Variants in FRMD4B observed in about 807,000 individuals in gnomAD.
The protein encoded by FRMD4B is FERM domain-containing protein 4B.
A neutral mutation model predicts 141.5 loss-of-function variants in FRMD4B; 74 were observed. The observed-to-expected ratio is 0.52, with a 90% confidence interval of 0.43 to 0.63. The LOEUF (loss-of-function observed/expected upper bound fraction) is 0.63. Ranked by LOEUF, FRMD4B falls within the 30% of genes least tolerant of loss-of-function variation. The probability of loss-of-function intolerance (pLI) is 0.00; values close to 1 mark genes in which losing one functional copy is unlikely to be tolerated. For synonymous variants in FRMD4B, 506 were observed against 467.9 expected (o/e 1.08, Z -1.05); for missense variants, 1,366 against 1,253.4 (o/e 1.09, Z -1.36).
At position 69,385,924 on chromosome 3, in the gene FRMD4B, G is replaced by T. The variant is rs751713557; in HGVS notation, c.66C>A (p.Asn22Lys). The change falls in exon 1 of 23, where the codon AAC becomes AAA. Residue 22 changes from asparagine to lysine, a missense_variant. By Grantham distance (94) the Asn-to-Lys change is moderately conservative. Coordinates refer to ENST00000398540, the MANE Select transcript of FRMD4B (RefSeq NM_015123.3). ...LLFSGSRFVW[N>K]LTVSTLRRWY... ...ATCTCCGCAGCGTGGACACGGTCAA[G>T]TTCCATACGAAGCGGCTGCCGCTGA... 9 of 1,605,152 alleles carry T rather than the reference G, an allele frequency of 5.6e-6. No individual in the cohort carries two copies. The highest frequency in any genetic ancestry group is 7.7e-6 in the Non-Finnish European group (9 of 1,176,384).
intron 1 of FRMD4B, among the ~76,000 whole-genome samples, chr3:69,319,382 C>T (rs1701920321): frequency 6.6e-6 from 1 of 152,142 alleles, no homozygotes; most frequent in Non-Finnish European, 1.5e-5. Context: ...GACAGCTACG[C>T]TTTTCTGTAA....
At chr3:69,422,209 T>C (rs1704992885) in intron 2 of FRMD4B, among the ~76,000 whole-genome samples, 1 of 151,880 alleles carries the variant, frequency 6.6e-6, no homozygotes, top group Non-Finnish European at 1.5e-5. Flanking sequence ...GGCTAACACA[T>C]GGTGAAACCC....
chr3:69,413,417 T>C (rs1488960052), intron 2 of FRMD4B, among the ~76,000 whole-genome samples: 3 of 152,196 alleles, frequency 2.0e-5, no homozygotes, highest in Non-Finnish European at 2.9e-5. Context: ...TCTATAAACC[T>C]TGAACTGTAT....
intron 1 of FRMD4B, among the ~76,000 whole-genome samples, chr3:69,490,483 G>A (rs541540117): frequency 6.6e-6 from 1 of 152,168 alleles, no homozygotes; most frequent in African/African-American, 2.4e-5. Flanking sequence ...GCAGGCGTTT[G>A]CAATGGTGCT....
At chr3:69,341,147 T>C (rs1191533977) in intron 1 of FRMD4B, among the ~76,000 whole-genome samples, 2 of 152,214 alleles carry the variant, frequency 1.3e-5, no homozygotes, top group South Asian at 2.1e-4. Flanking sequence ...TAAAGCAAGA[T>C]GAGTGAGGCT....
At chr3:69,514,877 T>C (rs1441574971) in intron 1 of FRMD4B, among the ~76,000 whole-genome samples, 1 of 152,104 alleles carries the variant, frequency 6.6e-6, no homozygotes, top group African/African-American at 2.4e-5. Context: ...AAAATTCCTA[T>C]GGATTCTCAA....
chr3:69,540,660 T>TAC (rs1161119924), intron 1 of FRMD4B, among the ~76,000 whole-genome samples: 625 of 56,828 alleles, frequency 0.011, 7 homozygotes, highest in Middle Eastern at 0.024. Context: ...TATATATATA[T>TAC]ACACACACAC....
intron 4 of FRMD4B, among the ~76,000 whole-genome samples, chr3:69,295,962 G>A (rs1701023795): frequency 6.6e-6 from 1 of 152,062 alleles, no homozygotes; most frequent in Non-Finnish European, 1.5e-5. Context: ...GACTACAGGT[G>A]TGCACCACCA....
chr3:69,447,557 T>C (rs1274981816), intron 1 of FRMD4B, among the ~76,000 whole-genome samples: 3 of 152,216 alleles, frequency 2.0e-5, no homozygotes, highest in Non-Finnish European at 2.9e-5. Flanking sequence ...TATTTCTCTT[T>C]TTTTGAATAA....
intron 2 of FRMD4B, among the ~76,000 whole-genome samples, chr3:69,428,959 C>A (rs114061126): frequency 6.6e-6 from 1 of 152,164 alleles, no homozygotes; most frequent in Non-Finnish European, 1.5e-5. Context: ...CATCCTTTTG[C>A]GACTGGCTTA....
chr3:69,539,021 G>A (rs554472033), intron 1 of FRMD4B, among the ~76,000 whole-genome samples: 37 of 152,216 alleles, frequency 2.4e-4, no homozygotes, highest in African/African-American at 7.0e-4. Context: ...CAGCACTCCC[G>A]AACATATAAA....
chr3:69,260,475 C>A, intron 5 of FRMD4B, among the ~76,000 whole-genome samples: 1 of 152,340 alleles, frequency 6.6e-6, no homozygotes, highest in East Asian at 1.9e-4. Context: ...ACCTGCGTCG[C>A]GCTCGAATTC....
chr3:69,383,353 A>G (rs1575780155), intron 1 of FRMD4B, among the ~76,000 whole-genome samples: 1 of 152,232 alleles, frequency 6.6e-6, no homozygotes. Context: ...CAAAGGCTGA[A>G]AATATTTTTG....
chr3:69,473,309 T>A (rs891740841), intron 1 of FRMD4B, among the ~76,000 whole-genome samples: 1 of 152,084 alleles, frequency 6.6e-6, no homozygotes, highest in Non-Finnish European at 1.5e-5. Flanking sequence ...GATGGCTCTG[T>A]CCACTCTACC....
chr3:69,522,414 C>A (rs1700867362), intron 1 of FRMD4B, among the ~76,000 whole-genome samples: 1 of 152,046 alleles, frequency 6.6e-6, no homozygotes, highest in African/African-American at 2.4e-5. Flanking sequence ...TTACTATGGG[C>A]AAGGCATAGA....
chr3:69,366,438 G>A (rs1263546046), intron 1 of FRMD4B, among the ~76,000 whole-genome samples: 1 of 128,356 alleles, frequency 7.8e-6, no homozygotes, highest in Non-Finnish European at 1.7e-5. Flanking sequence ...ATACATTTTA[G>A]AATAAATTAT....
intron 1 of FRMD4B, among the ~76,000 whole-genome samples, chr3:69,328,046 A>T (rs1212710406): frequency 6.6e-6 from 1 of 152,200 alleles, no homozygotes; most frequent in East Asian, 1.9e-4. Flanking sequence ...AAGAAAAAAA[A>T]GATTTATTGG....
intron 2 of FRMD4B, among the ~76,000 whole-genome samples, chr3:69,430,017 T>C (rs1016343434): frequency 6.6e-6 from 1 of 151,796 alleles, no homozygotes; most frequent in Admixed American, 6.6e-5. Context: ...CACCTCAGCC[T>C]CCCAAAGTGC....
At chr3:69,268,682 C>T (rs999455733) in intron 5 of FRMD4B, among the ~76,000 whole-genome samples, 1 of 151,930 alleles carries the variant, frequency 6.6e-6, no homozygotes, top group African/African-American at 2.4e-5. Flanking sequence ...AAGAAAATTA[C>T]AGTCATGATG....
Sources: allele counts gnomAD v4.1 joint callset (sites outside exome capture counted in the v4.1 genomes callset), GRCh38; gene constraint gnomAD v4.1.1; transcripts MANE v1.5; gene names NCBI Gene and HGNC (gene_info 2026-07-23, HGNC 2026-07-21).